PTGER4: variants seen among roughly 807,000 people sequenced by gnomAD.
The protein encoded by PTGER4 is prostaglandin E receptor 4.
PTGER4 carries 11 observed loss-of-function variants against 33.2 expected under a neutral mutation model. That is an observed-to-expected ratio of 0.33 (90% CI 0.21 to 0.55). The LOEUF is 0.55. PTGER4 is among the 20% of genes least tolerant of loss of function. The pLI is 0.92. For missense variants in PTGER4, 481 were observed against 650.2 expected, an observed-to-expected ratio of 0.74 and a Z score of 2.83; for synonymous variants, 275 against 281.5, an observed-to-expected ratio of 0.98 and a Z score of 0.23.
chr5:40,726,428 CAT>C, the PTGER4 span, among the ~76,000 whole-genome samples: 2 of 151,366 alleles, frequency 1.3e-5, no homozygotes, highest in Non-Finnish European at 2.9e-5. Flanking sequence ...ATATATTTTA[CAT>C]AGTGTCCCTT....
Position 40,691,396 on chromosome 5 carries a change from G to T in PTGER4, c.868-383G>T, listed in dbSNP as rs758599043. Among the ~76,000 whole-genome samples, 30 of 152,242 alleles carry T rather than the reference G, an allele frequency of 2.0e-4. No homozygotes were observed. Among genetic ancestry groups the T allele is most frequent in the Non-Finnish European group, 3.8e-4 (26 of 68,042 alleles). On this transcript the variant is annotated intron_variant, in intron 2 of 2. Coordinates refer to ENST00000302472, the MANE Select transcript of PTGER4 (RefSeq NM_000958.3). The surrounding 1 kb of genome is among the most constrained non-coding windows in gnomAD (Gnocchi z 4.2). ...GGGGTTTCACCATGTTGGCCAGGAG[G>T]TTCTCAATCTCTTGACCTAGTGATC...
downstream of PTGER4, among the ~76,000 whole-genome samples, chr5:40,697,234 G>GAAAGAAGA (rs1554024601): frequency 3.5e-4 from 26 of 73,640 alleles, no homozygotes; most frequent in African/African-American, 8.9e-4. Context: ...AGAAAAGAAA[G>GAAAGAAGA]AAAGAAAGAA....
chr5:40,686,234 A>G (rs1741320361), intron 2 of PTGER4, among the ~76,000 whole-genome samples: 2 of 152,262 alleles, frequency 1.3e-5, no homozygotes, highest in South Asian at 4.1e-4. Flanking sequence ...AAATCCAGCT[A>G]CAGATCTTGT....
chr5:40,698,120 C>CAA (rs1352485485), downstream of PTGER4, among the ~76,000 whole-genome samples: 1 of 71,054 alleles, frequency 1.4e-5, no homozygotes, highest in Non-Finnish European at 2.8e-5. Context: ...AAAAAAAAAA[C>CAA]CATGAAAAAT....
chr5:40,728,003 T>C, the PTGER4 span, among the ~76,000 whole-genome samples: 4 of 152,068 alleles, frequency 2.6e-5, no homozygotes, highest in Non-Finnish European at 5.9e-5. Flanking sequence ...CAAAATAGAC[T>C]GGGCATGTTG....
chr5:40,681,898 C>G lies in PTGER4; in HGVS notation c.867+38C>G. ...GGCTGGGGCCCTACTCGGCCTTTTT[C>G]TCGCATCCACCTCCCGCGTCCATTC... is the stretch of plus-strand genomic sequence containing the variant. On this transcript the variant is annotated intron_variant, in intron 2 of 2. Coordinates refer to ENST00000302472, the MANE Select transcript of PTGER4 (RefSeq NM_000958.3). The surrounding 1 kb of genome is among the most constrained non-coding windows in gnomAD (Gnocchi z 9.8). 2 of 1,478,430 alleles carry G rather than the reference C, an allele frequency of 1.4e-6. No individual in the cohort carries two copies. The highest frequency in any genetic ancestry group is 1.4e-5 in the South Asian group (1 of 71,088). 91.6% of individuals were successfully genotyped at this position (1,478,430 alleles called of 1,614,324 possible).
chr5:40,745,465 G>C, the PTGER4 span, among the ~76,000 whole-genome samples: 1 of 151,886 alleles, frequency 6.6e-6, no homozygotes, highest in East Asian at 1.9e-4. Flanking sequence ...TAGAAAGACA[G>C]GGATAAAGCA....
chr5:40,697,231 AAAG>A (rs1434712172), downstream of PTGER4, among the ~76,000 whole-genome samples: 4 of 37,100 alleles, frequency 1.1e-4, no homozygotes, highest in Non-Finnish European at 1.8e-4. Flanking sequence ...AGAAGAAAAG[AAAG>A]AAAGAAAGAA....
In PTGER4 at chr5:40,691,666, C is replaced by A; in HGVS notation, c.868-113C>A. 1 of 1,393,554 alleles carries A rather than the reference C, an allele frequency of 7.2e-7. No homozygotes were observed. Among genetic ancestry groups the A allele is most frequent in the Non-Finnish European group, 9.7e-7 (1 of 1,030,596 alleles). The allele number at this position is 1,393,554 out of a possible 1,614,324, so 86.3% of individuals were successfully genotyped here. A position where few individuals can be genotyped will look rare whatever the true frequency, so the allele number is the denominator to read the frequency against. On this transcript the variant is annotated intron_variant, in intron 2 of 2. Transcript: ENST00000302472. This position sits in a 1 kb window ranked among gnomAD's most constrained non-coding sequence, Gnocchi z 4.2. ...TATGTAGCTTCCTCTTTTCCTGGAA[C>A]TTGTTACCAGAAATGAAGGCAGCTT...
chr5:40,733,592 A>G, the PTGER4 span, among the ~76,000 whole-genome samples: 101,978 of 152,006 alleles, frequency 0.67, 34,367 homozygotes, highest in East Asian at 0.8. Context: ...GGAAGTTATC[A>G]CCCCATAGAA....
rs1278561392 is a variant in PTGER4, at chr5:40,683,582, A to T, written c.867+1722A>T. Among the ~76,000 whole-genome samples the T allele has an allele frequency of 6.6e-6, 1 of 152,252 alleles. No homozygotes were observed. The highest frequency in any genetic ancestry group is 1.5e-5 in the Non-Finnish European group (1 of 68,040). ...TCAGAACATCCACTTAAAGGGACAGAGGAATTAGAGCTAGAAGGTTAGCAA... is the reference window on the plus strand; with the variant it reads ...TCAGAACATCCACTTAAAGGGACAGTGGAATTAGAGCTAGAAGGTTAGCAA... On this transcript the variant is annotated intron_variant, in intron 2 of 2. Coordinates refer to ENST00000302472, the MANE Select transcript of PTGER4 (RefSeq NM_000958.3). This position sits in a 1 kb window ranked among gnomAD's most constrained non-coding sequence, Gnocchi z 4.2.
the PTGER4 span, among the ~76,000 whole-genome samples, chr5:40,736,063 T>C: frequency 2.0e-5 from 3 of 152,172 alleles, no homozygotes; most frequent in East Asian, 5.8e-4. Context: ...TATATAAAAA[T>C]GAGAGGACAA....
intron 2 of PTGER4, chr5:40,685,484 G>T (rs1056417622): frequency 7.1e-6 from 7 of 982,978 alleles, no homozygotes; most frequent in Non-Finnish European, 8.5e-6. Context: ...ACAAATTTGG[G>T]TATGACTATG....
the PTGER4 span, chr5:40,730,358 G>A: frequency 1.1e-5 from 18 of 1,601,372 alleles, no homozygotes; most frequent in Non-Finnish European, 1.5e-5. Flanking sequence ...GGTTGTTAAA[G>A]TTATATCAAT....
the PTGER4 span, among the ~76,000 whole-genome samples, chr5:40,718,717 G>A: frequency 1.1e-4 from 17 of 151,394 alleles, no homozygotes; most frequent in South Asian, 2.1e-4. Context: ...CAGCCTGGGC[G>A]ACAGAGCAAG....
chr5:40,738,425 TAAAA>T, the PTGER4 span, among the ~76,000 whole-genome samples: 133 of 144,440 alleles, frequency 9.2e-4, 1 homozygote, highest in African/African-American at 3.4e-3. Context: ...AAAAATAAAA[TAAAA>T]TAAAATATAA....
chr5:40,728,213 G>A, the PTGER4 span: 4 of 637,572 alleles, frequency 6.3e-6, no homozygotes, highest in African/African-American at 1.9e-5. Flanking sequence ...GAACCCAGGA[G>A]GCGGAGGTTG....
At chr5:40,701,152 T>C in the PTGER4 span, among the ~76,000 whole-genome samples, 2 of 152,212 alleles carry the variant, frequency 1.3e-5, no homozygotes, top group African/African-American at 2.4e-5. Flanking sequence ...CTGCACCAGT[T>C]CTCCAACAAG....
the PTGER4 span, chr5:40,730,486 A>C: frequency 1.0e-5 from 6 of 572,996 alleles, no homozygotes; most frequent in Non-Finnish European, 1.5e-5. Flanking sequence ...AGTAGCATTA[A>C]GTACATATAG....
Sources: gnomAD v4.1 joint callset for allele counts (sites outside exome capture counted in the v4.1 genomes callset) on GRCh38, gnomAD v4.1.1 for gene constraint, Gnocchi (gnomAD v3.1) non-coding constraint, MANE v1.5 for transcripts, NCBI Gene and HGNC (gene_info 2026-07-23, HGNC 2026-07-21) for gene names.